Variants in C12orf56 observed in about 807,000 individuals in gnomAD.
C12orf56 encodes the protein uncharacterized protein C12orf56.
A neutral mutation model predicts 69.9 loss-of-function variants in C12orf56; 71 were observed. The ratio of observed to expected loss-of-function variants is 1.02; its 90% CI spans 0.84 to 1.24. The LOEUF (loss-of-function observed/expected upper bound fraction) is 1.24. Among genes scored for constraint, C12orf56 ranks in the 50% most tolerant of loss-of-function variants. The probability of loss-of-function intolerance (pLI) is 0.00; values close to 1 mark genes in which losing one functional copy is unlikely to be tolerated. For missense variants in C12orf56, 732 were observed against 738.5 expected (o/e 0.99, Z 0.10); for synonymous variants, 276 against 274.1 (o/e 1.01, Z -0.07).
chr12:64,342,746 A>C (rs2039091212), intron 2 of C12orf56, among the ~76,000 whole-genome samples: 1 of 152,204 alleles, frequency 6.6e-6, no homozygotes, highest in Non-Finnish European at 1.5e-5. Flanking sequence ...GTTTCCACCA[A>C]AGCCCAGTAA....
At chr12:64,338,910 G>A in intron 2 of C12orf56, 1 of 548,286 alleles carries the variant, frequency 1.8e-6, no homozygotes, top group Non-Finnish European at 3.4e-6. Context: ...TACTTTTTGA[G>A]AACATTTTTA....
In C12orf56 at chr12:64,315,306, GTTT is replaced by G. The variant is rs56808442; in HGVS notation, c.895-2557_895-2555del. 2.4e-3 allele frequency among the ~76,000 whole-genome samples: 336 copies of G among 138,930 alleles called. 1 individual carries two copies. Among genetic ancestry groups the G allele is most frequent in the African/African-American group, 6.1e-3 (229 of 37,648 alleles). 91.1% of individuals were successfully genotyped at this position (138,930 alleles called of 152,430 possible). On this transcript the variant is annotated intron_variant, in intron 4 of 12. Transcript: ENST00000543942. ...CTTACTACTTTTGTCATTGTTCTAC[GTTT>G]TTTTTTTTTTTTTTAAAGCAGCCTT...
chr12:64,310,723 A>ATT (rs80072778), intron 5 of C12orf56, among the ~76,000 whole-genome samples: 15 of 149,642 alleles, frequency 1.0e-4, no homozygotes, highest in East Asian at 2.0e-4. Flanking sequence ...TTCTTTCTTT[A>ATT]TTTTTTTTTA....
chr12:64,359,564 C>T (rs1392481501), intron 1 of C12orf56, among the ~76,000 whole-genome samples: 1 of 152,030 alleles, frequency 6.6e-6, no homozygotes, highest in Non-Finnish European at 1.5e-5. Flanking sequence ...CAGAGAGGAC[C>T]ACTCAGGAGC....
rs762219364 is a variant in C12orf56, at chr12:64,353,080, C to A, written c.253-24G>T. On this transcript the variant is annotated intron_variant, in intron 1 of 12. Coordinates refer to ENST00000543942, the MANE Select transcript of C12orf56 (RefSeq NM_001170633.2). ...ATCTGGAAAAAAAATTAATTCACCT[C>A]ATTGAAGACAAATACAACTGCTTAC... The A allele has an allele frequency of 9.3e-6, 15 of 1,605,834 alleles. No homozygotes were observed. The South Asian group carries it at 1.7e-4, about 18-fold the overall frequency.
At chr12:64,335,682 T>A (rs1003966823) in intron 2 of C12orf56, among the ~76,000 whole-genome samples, 2 of 152,170 alleles carry the variant, frequency 1.3e-5, no homozygotes, top group Non-Finnish European at 2.9e-5. Context: ...TAAGAACATA[T>A]GTATACTAAA....
intron 2 of C12orf56, among the ~76,000 whole-genome samples, chr12:64,340,126 GA>G (rs981385147): frequency 2.0e-5 from 3 of 152,078 alleles, no homozygotes; most frequent in Non-Finnish European, 4.4e-5. Flanking sequence ...CAAAACTGAA[GA>G]ACTTGGAGTC....
intron 1 of C12orf56, among the ~76,000 whole-genome samples, chr12:64,366,060 A>G (rs1289805586): frequency 1.1e-5 from 1 of 89,724 alleles, no homozygotes; most frequent in Non-Finnish European, 2.0e-5. Flanking sequence ...TATAATATAT[A>G]GCTTGTATAA....
intron 5 of C12orf56, among the ~76,000 whole-genome samples, 158 bp from the exon 6 acceptor site, chr12:64,303,937 T>A (rs1056128222): frequency 6.6e-6 from 1 of 152,190 alleles, no homozygotes; most frequent in Non-Finnish European, 1.5e-5. Flanking sequence ...TAGTGAAACT[T>A]GCTCCCCACA....
At chr12:64,329,552 T>C (rs1396146845) in intron 3 of C12orf56, among the ~76,000 whole-genome samples, 1 of 151,550 alleles carries the variant, frequency 6.6e-6, no homozygotes, top group Non-Finnish European at 1.5e-5. Flanking sequence ...ACACTTTAAG[T>C]TTTAGGGTAC....
intron 3 of C12orf56, 24 bp downstream of exon 3, chr12:64,330,936 A>G: frequency 2.6e-6 from 4 of 1,514,388 alleles, no homozygotes; most frequent in Non-Finnish European, 3.6e-6. Flanking sequence ...CAAGTTAAAC[A>G]CATACTCCAA....
chr12:64,378,619 G>A (rs1305324854), intron 1 of C12orf56, among the ~76,000 whole-genome samples: 1 of 152,166 alleles, frequency 6.6e-6, no homozygotes, highest in Non-Finnish European at 1.5e-5. Context: ...TCTTTTAGTA[G>A]AGACAGGGTT....
At chr12:64,309,863 T>C (rs987351858) in intron 5 of C12orf56, among the ~76,000 whole-genome samples, 1 of 152,164 alleles carries the variant, frequency 6.6e-6, no homozygotes, top group African/African-American at 2.4e-5. Flanking sequence ...TTAACAAAAA[T>C]ACTTCATAGG....
At chr12:64,377,927 C>G (rs1286671567) in intron 1 of C12orf56, among the ~76,000 whole-genome samples, 5 of 152,142 alleles carry the variant, frequency 3.3e-5, no homozygotes, top group African/African-American at 1.2e-4. Context: ...GACTCTGGAG[C>G]CAGATGATCT....
In C12orf56 at chr12:64,277,819, TA is replaced by T; in HGVS notation, c.1311-17del. 2.0e-6 allele frequency: 3 copies of T among 1,524,060 alleles called. No homozygotes were observed. Among genetic ancestry groups the T allele is most frequent in the Non-Finnish European group, 2.6e-6 (3 of 1,132,412 alleles). 94.4% of individuals were successfully genotyped at this position (1,524,060 alleles called of 1,614,324 possible). Reference sequence around the variant, plus strand: ...TAGTGCTCCCCTGGAAAAAAATAAATAAAAGGCAATTAGTGAGCAAAGTGTT... The same window carrying T: ...TAGTGCTCCCCTGGAAAAAAATAAATAAAGGCAATTAGTGAGCAAAGTGTT... On this transcript the variant is annotated splice_polypyrimidine_tract_variant and intron_variant, in intron 8 of 12. Transcript: ENST00000543942.
At chr12:64,304,227 T>G (rs1865799) in intron 5 of C12orf56, among the ~76,000 whole-genome samples, 145,258 of 152,200 alleles carry the variant, frequency 0.95, 69,670 homozygotes, top group East Asian at 1. Flanking sequence ...AATGCTGCAT[T>G]TTCTGAGCCT....
In C12orf56 at chr12:64,304,995, C is replaced by T. The variant is rs151312936; in HGVS notation, c.969-1216G>A. 6.7e-3 allele frequency among the ~76,000 whole-genome samples: 1,021 copies of T among 152,214 alleles called. 47 individuals carry two copies. The highest frequency in any genetic ancestry group is 0.06 in the Admixed American group (915 of 15,292). On this transcript the variant is annotated intron_variant, in intron 5 of 12. Transcript: ENST00000543942. The stretch of plus-strand genomic sequence containing the variant: ...ACTTACTCCAGTAACCTGTACCAGC[C>T]GTTTATCCCAATACTAGCTACTGCA...
At chr12:64,361,560 C>T (rs1402031247) in intron 1 of C12orf56, among the ~76,000 whole-genome samples, 3 of 152,096 alleles carry the variant, frequency 2.0e-5, no homozygotes, top group Admixed American at 6.6e-5. Flanking sequence ...ACCAGTGCCA[C>T]GACAGTTTAC....
chr12:64,281,049 G>A (rs1231249550), intron 8 of C12orf56, among the ~76,000 whole-genome samples: 2 of 152,092 alleles, frequency 1.3e-5, no homozygotes, highest in Non-Finnish European at 2.9e-5. Flanking sequence ...GACGGGGGGT[G>A]GATCACCTGA....
Sources: allele counts gnomAD v4.1 joint callset (sites outside exome capture counted in the v4.1 genomes callset), GRCh38; gene constraint gnomAD v4.1.1; transcripts MANE v1.5; gene names NCBI Gene and HGNC (gene_info 2026-07-23, HGNC 2026-07-21).